ZNF33B: variants seen among roughly 807,000 people sequenced by gnomAD.
ZNF33B encodes the protein zinc finger protein 33B.
In ZNF33B, 29 loss-of-function variants were observed where a neutral mutation model predicts 45.8. That is an observed-to-expected ratio of 0.63 (90% confidence interval 0.47 to 0.86). The LOEUF (loss-of-function observed/expected upper bound fraction) is 0.86. ZNF33B is among the 40% of genes least tolerant of loss of function. The probability of loss-of-function intolerance (pLI) is 0.00; values close to 1 mark genes in which losing one functional copy is unlikely to be tolerated. For synonymous variants in ZNF33B, 305 were observed against 307.8 expected (o/e 0.99, Z 0.10); for missense variants, 831 against 909.9 (o/e 0.91, Z 1.12).
At chr10:42,582,991 G>T (rs568604004) in intron 1 of ZNF33B, 6 of 694,392 alleles carry the variant, frequency 8.6e-6, no homozygotes, top group Non-Finnish European at 1.3e-5. Flanking sequence ...CACCTCATGG[G>T]AAGGTAGTTT....
Position 42,594,572 on chromosome 10 carries a change from AAATGGT to A in ZNF33B, c.372_377del (p.Pro125_Phe126del), listed in dbSNP as rs1322024078. ...AAGGAAAAGAACTTACGTCCATGTT[AAATGGT>A]ATTCCTATTACATTACCTTGTTCCT... On this transcript the variant is annotated inframe_deletion, in exon 5 of 5. Coordinates refer to ENST00000359467, the MANE Select transcript of ZNF33B (RefSeq NM_006955.3). 7 of 1,613,490 alleles carry A rather than the reference AAATGGT, an allele frequency of 4.3e-6. No individual in the cohort carries two copies. The South Asian group carries it at 7.7e-5, about 18-fold the overall frequency.
intron 1 of ZNF33B, among the ~76,000 whole-genome samples, chr10:42,580,990 T>C (rs1391822305): frequency 3.9e-5 from 6 of 152,144 alleles, no homozygotes; most frequent in Non-Finnish European, 7.4e-5. Context: ...CCAGGAGAAG[T>C]GTATCCAGAC....
chr10:42,631,806 C>T, intron 4 of ZNF33B, 123 bp downstream of exon 4: 1 of 780,510 alleles, frequency 1.3e-6, no homozygotes, highest in Non-Finnish European at 2.2e-6. Context: ...TCCATCACTT[C>T]CAGAGGTTAG....
intron 1 of ZNF33B, among the ~76,000 whole-genome samples, chr10:42,577,369 A>G (rs1473815511): frequency 6.6e-6 from 1 of 151,686 alleles, no homozygotes; most frequent in Non-Finnish European, 1.5e-5. Context: ...CTGATTCACA[A>G]TTTCCCATCT....
chr10:42,616,323 G>A (rs1838313062), intron 4 of ZNF33B, among the ~76,000 whole-genome samples: 1 of 152,130 alleles, frequency 6.6e-6, no homozygotes, highest in Non-Finnish European at 1.5e-5. Flanking sequence ...TTGGTGAAGA[G>A]TACAGTATGT....
intron 1 of ZNF33B, chr10:42,582,011 G>T (rs573600599): frequency 3.3e-5 from 5 of 152,444 alleles, no homozygotes; most frequent in African/African-American, 7.2e-5. Flanking sequence ...AGCTACTCAG[G>T]AGGCTAAGGC....
At chr10:42,636,864 T>TA (rs1374424380) in intron 2 of ZNF33B, 56 bp downstream of exon 2, 68 of 1,612,072 alleles carry the variant, frequency 4.2e-5, no homozygotes, top group Non-Finnish European at 5.8e-5. Flanking sequence ...TACTGACTCT[T>TA]ACAAATCTCA....
intron 1 of ZNF33B, among the ~76,000 whole-genome samples, chr10:42,637,906 G>C (rs1021886701): frequency 6.6e-6 from 1 of 152,188 alleles, no homozygotes; most frequent in Non-Finnish European, 1.5e-5. Context: ...ACCCTCCTCG[G>C]CCTCCCAAAG....
chr10:42,582,834 C>G (rs11239687), intron 1 of ZNF33B: 6,311 of 285,686 alleles, frequency 0.022, 283 homozygotes, highest in East Asian at 0.11. Context: ...CCCTGGGCCC[C>G]AGGTGAGTCC....
chr10:42,629,164 T>C (rs1016670661), intron 4 of ZNF33B, among the ~76,000 whole-genome samples: 3 of 152,192 alleles, frequency 2.0e-5, no homozygotes, highest in African/African-American at 7.2e-5. Context: ...TGCAACAACC[T>C]AGACAGAAAT....
At chr10:42,608,753 G>A (rs1837971588) in intron 4 of ZNF33B, among the ~76,000 whole-genome samples, 1 of 151,710 alleles carries the variant, frequency 6.6e-6, no homozygotes, top group African/African-American at 2.4e-5. Context: ...CAAACTCAAA[G>A]CAAGAAGAAG....
chr10:42,588,280 A>G (rs1472476852), downstream of ZNF33B, among the ~76,000 whole-genome samples: 2 of 152,190 alleles, frequency 1.3e-5, no homozygotes, highest in African/African-American at 2.4e-5. Context: ...GCATTTTAGG[A>G]TGGGAAGAGA....
At chr10:42,580,329 C>A (rs1298943083) in intron 1 of ZNF33B, among the ~76,000 whole-genome samples, 2 of 152,146 alleles carry the variant, frequency 1.3e-5, no homozygotes, top group African/African-American at 2.4e-5. Flanking sequence ...CAACCTCCAC[C>A]TCCCAGGTTC....
chr10:42,582,674 A>G (rs1836849551), intron 1 of ZNF33B: 1 of 158,422 alleles, frequency 6.3e-6, no homozygotes, highest in Admixed American at 6.3e-5. Flanking sequence ...TAGATACTTA[A>G]AATTATGTAG....
chr10:42,582,662 A>G (rs1204825872), intron 1 of ZNF33B: 2 of 157,546 alleles, frequency 1.3e-5, no homozygotes, highest in Admixed American at 6.3e-5. Flanking sequence ...GTTGAGCTCA[A>G]ATAGATACTT....
intron 4 of ZNF33B, among the ~76,000 whole-genome samples, chr10:42,609,274 C>G (rs1838003218): frequency 6.6e-6 from 1 of 152,018 alleles, no homozygotes; most frequent in Admixed American, 6.6e-5. Flanking sequence ...AAAAAATTAG[C>G]TGCATGTGGT....
At chr10:42,601,336 T>G (rs967622210) in intron 4 of ZNF33B, among the ~76,000 whole-genome samples, 1 of 152,112 alleles carries the variant, frequency 6.6e-6, no homozygotes, top group African/African-American at 2.4e-5. Context: ...CCCAACACAT[T>G]TGGAAATTTT....
intron 4 of ZNF33B, 126 bp from the exon 5 acceptor site, chr10:42,594,825 A>G: frequency 2.7e-6 from 3 of 1,104,344 alleles, no homozygotes; most frequent in Non-Finnish European, 1.2e-6. Flanking sequence ...AGAGATGAAC[A>G]TAATTGCAAG....
At chr10:42,624,056 T>C (rs1328082376) in intron 4 of ZNF33B, among the ~76,000 whole-genome samples, 1 of 152,266 alleles carries the variant, frequency 6.6e-6, no homozygotes, top group African/African-American at 2.4e-5. Context: ...GGCCAGGGCC[T>C]GGTGAGGGCC....
Sources: gnomAD v4.1 joint callset for allele counts (sites outside exome capture counted in the v4.1 genomes callset) on GRCh38, gnomAD v4.1.1 for gene constraint, MANE v1.5 for transcripts, NCBI Gene and HGNC (gene_info 2026-07-23, HGNC 2026-07-21) for gene names.